The following TUT1 variants were observed in gnomAD, a reference collection of about 807,000 sequenced individuals.
TUT1 encodes terminal uridylyl transferase 1, U6 snRNA-specific.
Under a neutral mutation model 48.8 loss-of-function variants are expected in TUT1, and 26 were observed. That is an observed-to-expected ratio of 0.53 (90% CI 0.39 to 0.74). The LOEUF is 0.74. TUT1 is among the 30% of genes least tolerant of loss of function. TUT1 has a pLI of 0.00. For synonymous variants in TUT1, 470 were observed against 460.8 expected (o/e 1.02, Z -0.26); for missense variants, 1,065 against 1,114.8 (o/e 0.96, Z 0.64).
intron 2 of TUT1, among the ~76,000 whole-genome samples, 188 bp downstream of exon 2, chr11:62,588,843 C>T (rs528854503): frequency 1.3e-5 from 2 of 152,284 alleles, no homozygotes; most frequent in East Asian, 1.9e-4. Context: ...TACAGGCATG[C>T]GCCATCACAC....
At chr11:62,587,586 G>A (rs1489242730) in intron 2 of TUT1, among the ~76,000 whole-genome samples, 1 of 152,226 alleles carries the variant, frequency 6.6e-6, no homozygotes, top group Non-Finnish European at 1.5e-5. Flanking sequence ...AATAATGGCA[G>A]AGCAGGAAAA....
intron 2 of TUT1, 47 bp from the exon 3 acceptor site, chr11:62,581,748 TA>T: frequency 7.6e-7 from 1 of 1,313,320 alleles, no homozygotes; most frequent in South Asian, 2.0e-5. Flanking sequence ...ACCAAGAATC[TA>T]AGCACGAGAT....
In TUT1 at chr11:62,575,084, G is replaced by A. The variant is rs1941696753; in HGVS notation, c.*10C>T. 9.0e-6 allele frequency: 14 copies of A among 1,554,872 alleles called. No homozygotes were observed. Among genetic ancestry groups the A allele is most frequent in the Non-Finnish European group, 1.1e-5 (13 of 1,150,352 alleles). On this transcript the variant is annotated 3_prime_UTR_variant, in exon 9 of 9. Transcript: ENST00000476907. ...ACTAGCAGCTTTATTGCCCTTCAGG[G>A]GCCATGTCTTCACTTGAGATGTCGA... is the stretch of plus-strand genomic sequence containing the variant.
intron 2 of TUT1, among the ~76,000 whole-genome samples, chr11:62,581,963 TAGTG>T (rs751827539): frequency 4.0e-5 from 6 of 151,842 alleles, no homozygotes; most frequent in Non-Finnish European, 7.4e-5. Flanking sequence ...CAGGGCAACA[TAGTG>T]AGATCCCATC....
chr11:62,588,501 C>CT (rs1941954871), intron 2 of TUT1, among the ~76,000 whole-genome samples: 1 of 152,032 alleles, frequency 6.6e-6, no homozygotes, highest in African/African-American at 2.4e-5. Context: ...TCACAGTGAG[C>CT]TGAGATTGTG....
At chr11:62,584,768 A>T (rs936929697) in intron 2 of TUT1, among the ~76,000 whole-genome samples, 24 of 149,896 alleles carry the variant, frequency 1.6e-4, no homozygotes, top group African/African-American at 5.4e-4. Context: ...TTGTTTGTTT[A>T]TTTTTTTACC....
At chr11:62,581,734 T>TTTAATGATAC in intron 2 of TUT1, 33 bp from the exon 3 acceptor site, 2 of 1,394,492 alleles carry the variant, frequency 1.4e-6, no homozygotes, top group South Asian at 1.7e-5. Flanking sequence ...ATGATGATTT[T>TTTAATGATAC]GGAACCAAGA....
chr11:62,576,087 A>G lies in TUT1; in HGVS notation c.1632T>C (p.Pro544=), dbSNP rs1941722793. 1 of 1,613,872 alleles carries G rather than the reference A, an allele frequency of 6.2e-7. No individual in the cohort carries two copies. The change falls in exon 9 of 9, where the codon CCT becomes CCC. Residue 544 remains proline, a synonymous_variant. Coordinates refer to ENST00000476907, the MANE Select transcript of TUT1 (RefSeq NM_022830.3). The part of the protein sequence containing the change: ...LRLGPLNLQD[P]FDLSHNVAAN... ...CTGCGACATTGTGACTCAGGTCAAA[A>G]GGGTCCTGGAGATTCAGGGGGCCAA... is the stretch of plus-strand genomic sequence containing the variant.
In TUT1 at chr11:62,577,403, A is replaced by T. The variant is rs927151405; in HGVS notation, c.1161-112T>A. Reference sequence around the variant, plus strand: ...GAGCCAGCTGGAATAAGGCCAGAACAGTTTCCCCAAATGTTGCTCACTGAT... The same window carrying T: ...GAGCCAGCTGGAATAAGGCCAGAACTGTTTCCCCAAATGTTGCTCACTGAT... On this transcript the variant is annotated intron_variant, in intron 5 of 8. Coordinates refer to ENST00000476907, the MANE Select transcript of TUT1 (RefSeq NM_022830.3). 4 of 802,842 alleles carry T rather than the reference A, an allele frequency of 5.0e-6. No homozygotes were observed. The East Asian group carries it at 1.1e-4, about 21-fold the overall frequency. 49.7% of individuals were successfully genotyped at this position (802,842 alleles called of 1,614,324 possible). A position where few individuals can be genotyped will look rare whatever the true frequency, so the allele number is the denominator to read the frequency against.
In TUT1 at chr11:62,575,088, A is replaced by G; in HGVS notation, c.*6T>C. On this transcript the variant is annotated 3_prime_UTR_variant, in exon 9 of 9. Coordinates refer to ENST00000476907, the MANE Select transcript of TUT1 (RefSeq NM_022830.3). Reference sequence around the variant, plus strand: ...GCAGCTTTATTGCCCTTCAGGGGCCATGTCTTCACTTGAGATGTCGAATTG... The same window carrying G: ...GCAGCTTTATTGCCCTTCAGGGGCCGTGTCTTCACTTGAGATGTCGAATTG... 1 of 1,556,284 alleles carries G rather than the reference A, an allele frequency of 6.4e-7. No individual in the cohort carries two copies. Among genetic ancestry groups the G allele is most frequent in the Non-Finnish European group, 8.7e-7 (1 of 1,151,074 alleles).
intron 2 of TUT1, among the ~76,000 whole-genome samples, chr11:62,586,056 C>T (rs946379132): frequency 6.6e-4 from 100 of 152,156 alleles, no homozygotes; most frequent in Admixed American, 5.8e-3. Context: ...GAGCTGAGAT[C>T]GCCCCAAGCC....
rs766244715 is a variant in TUT1, at chr11:62,575,425, C to T, written c.2294G>A (p.Ser765Asn). The T allele has an allele frequency of 1.2e-6, 2 of 1,611,560 alleles. No homozygotes were observed. The highest frequency in any genetic ancestry group is 3.3e-5 in the Admixed American group (2 of 60,010). ...TCGGTGCCACAAGGCACAGCGCCAG[C>T]TCGCTGAGGAGGGCAGGGATGCCCC... is the stretch of plus-strand genomic sequence containing the variant. Reference protein sequence around the residue: ...GKGASLPSSASWRCALWHRVW... With the variant: ...GKGASLPSSANWRCALWHRVW... The change falls in exon 9 of 9, where the codon AGC (serine) becomes AAC (asparagine). Residue 765 changes from serine to asparagine, a missense_variant. By Grantham distance (46) the Ser-to-Asn change is conservative. Transcript: ENST00000476907.
chr11:62,580,987 G>A, intron 4 of TUT1, 119 bp downstream of exon 4: 1 of 736,304 alleles, frequency 1.4e-6, no homozygotes, highest in Non-Finnish European at 2.4e-6. Flanking sequence ...TTTCAGGTAG[G>A]TCCTATTATC....
chr11:62,591,267 G>T, intron 1 of TUT1, 137 bp downstream of exon 1: 1 of 1,384,140 alleles, frequency 7.2e-7, no homozygotes, highest in Non-Finnish European at 9.3e-7. Context: ...CCTCGGACTT[G>T]CAGAGAAAAA....
In TUT1 at chr11:62,579,010, T is replaced by G; in HGVS notation, c.711A>C (p.Glu237Asp). The G allele has an allele frequency of 6.6e-7, 1 of 1,513,576 alleles. No individual in the cohort carries two copies. Among genetic ancestry groups the G allele is most frequent in the Non-Finnish European group, 8.8e-7 (1 of 1,132,036 alleles). 93.8% of individuals were successfully genotyped at this position (1,513,576 alleles called of 1,614,324 possible). A position where few individuals can be genotyped will look rare whatever the true frequency, so the allele number is the denominator to read the frequency against. ...CCAGGGCCGAGTCCAGCGATGGAGA[T>G]TCTGGAGCCTTTGGGACTGGCTGTG... Reference protein sequence around the residue: ...EEPQPVPKAPESPSLDSALAS... With the variant: ...EEPQPVPKAPDSPSLDSALAS... Residue 237 changes from glutamate to aspartate, a missense_variant, in exon 5 of 9, where the codon GAA becomes GAC. Transcript: ENST00000476907.
chr11:62,585,233 G>A lies in TUT1; in HGVS notation c.274-3532C>T, dbSNP rs577516540. Among the ~76,000 whole-genome samples, 20 of 152,210 alleles carry A rather than the reference G, an allele frequency of 1.3e-4. No individual in the cohort carries two copies. The East Asian group carries it at 1.3e-3, about 10-fold the overall frequency. ...ATTCCTGGGCTCAAGCGAACCTCCC[G>A]CCTCAGCCTCCTCAGTAGCTGGGAT... On this transcript the variant is annotated intron_variant, in intron 2 of 8. Transcript: ENST00000476907.
chr11:62,580,099 AC>A (rs1281687261), intron 4 of TUT1, among the ~76,000 whole-genome samples: 3 of 152,094 alleles, frequency 2.0e-5, no homozygotes, highest in African/African-American at 7.2e-5. Context: ...ACATAGTGAG[AC>A]CCTATTTCTA....
Position 62,578,693 on chromosome 11 carries a change from A to T in TUT1, c.1028T>A (p.Leu343Gln). The T allele has an allele frequency of 6.2e-7, 1 of 1,614,232 alleles. No individual in the cohort carries two copies. Among genetic ancestry groups the T allele is most frequent in the Non-Finnish European group, 8.5e-7 (1 of 1,180,048 alleles). Residue 343 changes from leucine to glutamine, a missense_variant, in exon 5 of 9, where the codon CTG becomes CAG. Coordinates refer to ENST00000476907, the MANE Select transcript of TUT1 (RefSeq NM_022830.3). ...EKAEGAAMLE[L>Q]VGSILRGCVP... The stretch of plus-strand genomic sequence containing the variant: ...ACAGCCCCGGAGAATGGATCCCACC[A>T]GCTCCAGCATTGCTGCCCCCTCTGC...
intron 4 of TUT1, 78 bp from the exon 5 acceptor site, chr11:62,579,108 G>A (rs1239789968): frequency 9.1e-7 from 1 of 1,099,218 alleles, no homozygotes; most frequent in Non-Finnish European, 1.2e-6. Context: ...ATTACTTCCA[G>A]CTTATTCAGC....
Sources: allele counts gnomAD v4.1 joint callset (sites outside exome capture counted in the v4.1 genomes callset), GRCh38; gene constraint gnomAD v4.1.1; transcripts MANE v1.5; gene names NCBI Gene and HGNC (gene_info 2026-07-23, HGNC 2026-07-21).